Variants in CSMD1 observed in about 807,000 individuals in gnomAD.
CSMD1 encodes CUB and sushi domain-containing protein 1.
Under a neutral mutation model 417.5 loss-of-function variants are expected in CSMD1, and 213 were observed. That is an observed-to-expected ratio of 0.51 (90% CI 0.46 to 0.57). The LOEUF (loss-of-function observed/expected upper bound fraction) is 0.57, where lower values mean the gene tolerates loss of function less well. Among genes scored for constraint, CSMD1 ranks in the 20% least tolerant of loss-of-function variants. The pLI is 0.00. For synonymous variants in CSMD1, 2,862 were observed against 1,736.8 expected, an observed-to-expected ratio of 1.65 and a Z score of -16.11; for missense variants, 6,923 against 4,529.7, an observed-to-expected ratio of 1.53 and a Z score of -15.17.
intron 3 of CSMD1, among the ~76,000 whole-genome samples, chr8:4,350,378 G>A (rs904132437): frequency 6.6e-6 from 1 of 152,108 alleles, no homozygotes; most frequent in Non-Finnish European, 1.5e-5. Context: ...TCAAAATAGT[G>A]TTATAAATGA....
chr8:4,423,101 G>A (rs980213317), intron 2 of CSMD1, among the ~76,000 whole-genome samples: 6 of 152,038 alleles, frequency 3.9e-5, no homozygotes, highest in Non-Finnish European at 2.9e-5. Context: ...TTGCTTAGTG[G>A]TTGAAGACTG....
At position 3,946,443 on chromosome 8, in the gene CSMD1, A is replaced by C. The variant is rs115184932; in HGVS notation, c.818+51460T>G. ...CCTTGGCTACTTTAGCTCAATATTG[A>C]CATCTTCAAATCGTATTATGTAAGT... On this transcript the variant is annotated intron_variant, in intron 5 of 69. Coordinates refer to ENST00000635120, the MANE Select transcript of CSMD1 (RefSeq NM_033225.6). 7.1e-3 allele frequency among the ~76,000 whole-genome samples: 1,080 copies of C among 152,250 alleles called. 18 individuals are homozygous for C. Among genetic ancestry groups the C allele is most frequent in the African/African-American group, 0.025 (1,047 of 41,572 alleles).
At chr8:4,287,693 T>TATG (rs1797139813) in intron 3 of CSMD1, among the ~76,000 whole-genome samples, 1 of 151,112 alleles carries the variant, frequency 6.6e-6, no homozygotes, top group Admixed American at 6.6e-5. Flanking sequence ...TTACTACTAC[T>TATG]TTGTAAGTGT....
chr8:2,964,583 C>A (rs1417274812), intron 59 of CSMD1, among the ~76,000 whole-genome samples: 6 of 152,204 alleles, frequency 3.9e-5, no homozygotes, highest in African/African-American at 1.4e-4. Flanking sequence ...GATAAAAATC[C>A]ACAGAATTAT....
intron 3 of CSMD1, among the ~76,000 whole-genome samples, chr8:4,378,634 G>C (rs914676607): frequency 6.6e-6 from 1 of 152,170 alleles, no homozygotes; most frequent in Non-Finnish European, 1.5e-5. Context: ...AAGACAAAAA[G>C]AATAGGTGGA....
chr8:4,524,584 T>TTTGG (rs1420095940), intron 2 of CSMD1, among the ~76,000 whole-genome samples: 1 of 151,396 alleles, frequency 6.6e-6, no homozygotes, highest in Non-Finnish European at 1.5e-5. Context: ...TTTTTTTTTT[T>TTTGG]TTTGGTTTGG....
At chr8:4,189,299 G>A (rs926745726) in intron 3 of CSMD1, among the ~76,000 whole-genome samples, 1 of 152,108 alleles carries the variant, frequency 6.6e-6, no homozygotes, top group African/African-American at 2.4e-5. Flanking sequence ...AAGAAAACAT[G>A]TTGAGTAAAT....
chr8:3,371,204 A>G (rs1166502159), intron 18 of CSMD1, among the ~76,000 whole-genome samples: 7 of 152,252 alleles, frequency 4.6e-5, no homozygotes, highest in African/African-American at 1.7e-4. Flanking sequence ...TGGCCTCCCA[A>G]ACACATGAGC....
intron 1 of CSMD1, among the ~76,000 whole-genome samples, chr8:4,637,949 C>T (rs1391148501): frequency 1.3e-5 from 2 of 152,076 alleles, no homozygotes; most frequent in African/African-American, 4.8e-5. Flanking sequence ...GGATTACAGG[C>T]GTGAGCCACC....
chr8:3,469,703 T>A (rs556160203), intron 11 of CSMD1, among the ~76,000 whole-genome samples: 1 of 152,302 alleles, frequency 6.6e-6, no homozygotes, highest in South Asian at 2.1e-4. Flanking sequence ...ATTTGCCCCA[T>A]CAATCATATC....
chr8:3,879,433 G>A (rs151080370), intron 5 of CSMD1, among the ~76,000 whole-genome samples: 134 of 152,166 alleles, frequency 8.8e-4, no homozygotes, highest in African/African-American at 2.6e-3. Flanking sequence ...GAATCAGTCC[G>A]GTCATTGAGA....
At chr8:4,341,139 T>C (rs1036968510) in intron 3 of CSMD1, among the ~76,000 whole-genome samples, 3 of 152,106 alleles carry the variant, frequency 2.0e-5, no homozygotes, top group Non-Finnish European at 4.4e-5. Context: ...TAACAAGGCC[T>C]ATCCAAGCAT....
intron 26 of CSMD1, among the ~76,000 whole-genome samples, chr8:3,260,470 A>T (rs1179233252): frequency 1.3e-5 from 2 of 152,084 alleles, no homozygotes; most frequent in East Asian, 3.9e-4. Flanking sequence ...CAGAGGAAAG[A>T]CAGTGGCATG....
intron 5 of CSMD1, among the ~76,000 whole-genome samples, chr8:3,954,300 G>C (rs185107588): frequency 2.6e-5 from 4 of 152,318 alleles, no homozygotes; most frequent in East Asian, 1.9e-4. Flanking sequence ...GCTTGGGAGA[G>C]ACCAGGGCAT....
chr8:4,309,652 A>T (rs1798449630), intron 3 of CSMD1, among the ~76,000 whole-genome samples: 1 of 152,286 alleles, frequency 6.6e-6, no homozygotes, highest in South Asian at 2.1e-4. Flanking sequence ...TACTGAAATT[A>T]GACCGTATTT....
At chr8:3,946,991 C>T (rs1355478991) in intron 5 of CSMD1, among the ~76,000 whole-genome samples, 1 of 152,042 alleles carries the variant, frequency 6.6e-6, no homozygotes, top group South Asian at 2.1e-4. Context: ...TAAATAAATA[C>T]GTTGGATCTC....
intron 20 of CSMD1, 22 bp from the exon 21 acceptor site, chr8:3,359,362 T>TA (rs774883367): frequency 1.3e-5 from 20 of 1,591,114 alleles, no homozygotes; most frequent in Non-Finnish European, 1.7e-5. Flanking sequence ...AGAGACAGAG[T>TA]AAATGCATGA....
At chr8:4,850,380 A>ATAT (rs1403352847) in intron 1 of CSMD1, among the ~76,000 whole-genome samples, 4,275 of 81,612 alleles carry the variant, frequency 0.052, 53 homozygotes, top group African/African-American at 0.065. Flanking sequence ...AATCCAATTT[A>ATAT]TCTTTTTTTT....
rs1033113112 is a variant in CSMD1, at chr8:4,419,828, C to T, written c.415+125G>A. 1.6e-5 allele frequency: 10 copies of T among 627,416 alleles called. 1 individual carries two copies. The East Asian group carries it at 2.7e-4, about 17-fold the overall frequency. 38.9% of individuals were successfully genotyped at this position (627,416 alleles called of 1,614,324 possible). On this transcript the variant is annotated intron_variant, in intron 3 of 69. Coordinates refer to ENST00000635120, the MANE Select transcript of CSMD1 (RefSeq NM_033225.6). ...CAAATGCCATTGCATTACACAGAAG[C>T]CAAATGTCTACACCACGGAACGACC...
Sources: gnomAD v4.1 joint callset for allele counts (sites outside exome capture counted in the v4.1 genomes callset) on GRCh38, gnomAD v4.1.1 for gene constraint, MANE v1.5 for transcripts, NCBI Gene and HGNC (gene_info 2026-07-23, HGNC 2026-07-21) for gene names.